The following LGI2 variants were observed in gnomAD, a reference collection of about 807,000 sequenced individuals.
LGI2 encodes the protein leucine-rich repeat LGI family member 2.
A neutral mutation model predicts 52.0 loss-of-function variants in LGI2; 30 were observed. The observed-to-expected ratio is 0.58, with a 90% CI of 0.43 to 0.78. The LOEUF is 0.78. Among genes scored for constraint, LGI2 ranks in the 30% least tolerant of loss-of-function variants. The probability of loss-of-function intolerance (pLI) is 0.00; values close to 1 mark genes in which losing one functional copy is unlikely to be tolerated. For synonymous variants in LGI2, 270 were observed against 271.8 expected, an observed-to-expected ratio of 0.99 and a Z score of 0.06; for missense variants, 573 against 692.5, an observed-to-expected ratio of 0.83 and a Z score of 1.94.
intron 4 of LGI2, among the ~76,000 whole-genome samples, chr4:25,020,234 C>T (rs1241400590): frequency 6.6e-6 from 1 of 151,806 alleles, no homozygotes; most frequent in East Asian, 1.9e-4. Context: ...AAAGGTTGAC[C>T]CAAAACCATT....
intron 3 of LGI2, among the ~76,000 whole-genome samples, chr4:25,025,609 G>A (rs534515600): frequency 6.6e-6 from 1 of 152,030 alleles, no homozygotes; most frequent in South Asian, 2.1e-4. Flanking sequence ...TAATTGATGT[G>A]AATTCACTAC....
At chr4:25,025,088 T>C (rs1231162845) in intron 3 of LGI2, among the ~76,000 whole-genome samples, 197 bp from the exon 4 acceptor site, 1 of 152,198 alleles carries the variant, frequency 6.6e-6, no homozygotes, top group African/African-American at 2.4e-5. Flanking sequence ...GAGTGTGTGG[T>C]CTGCACTCCT....
In LGI2 at chr4:25,028,557, A is replaced by G. The variant is rs377385406; in HGVS notation, c.219T>C (p.Phe73=). Residue 73 remains phenylalanine (F), a synonymous_variant, in exon 2 of 8, where the codon TTT becomes TTC. Transcript: ENST00000382114. ...ISSLSLVNGT[F]SEIKDRMFSH... ...AAAACATTCGGTCCTTGATTTCTGA[A>G]AACGTCCCATTTACCAGGCTCCTAC... 1.5e-5 allele frequency: 24 copies of G among 1,613,248 alleles called. No homozygotes were observed. The highest frequency in any genetic ancestry group is 3.3e-4 in the Middle Eastern group (2 of 6,058).
rs935249954 is a variant in LGI2, at chr4:25,003,165, A to G, written c.*286T>C. The G allele has an allele frequency of 4.0e-5, 10 of 252,494 alleles. No homozygotes were observed. The highest frequency in any genetic ancestry group is 1.4e-4 in the South Asian group (1 of 7,154). The allele number at this position is 252,494 out of a possible 1,614,324, so 15.6% of individuals were successfully genotyped here. A position where few individuals can be genotyped will look rare whatever the true frequency, so the allele number is the denominator to read the frequency against. ...CTTCCTCATCAAAAAGCGGGGGGGA[A>G]GCATATTACATTTCTAGATGATAAG... On this transcript the variant is annotated 3_prime_UTR_variant, in exon 8 of 8. Coordinates refer to ENST00000382114, the MANE Select transcript of LGI2 (RefSeq NM_018176.4).
At chr4:24,997,571 T>C (rs1268038223), downstream of LGI2, among the ~76,000 whole-genome samples, 1 of 152,196 alleles carries the variant, frequency 6.6e-6, no homozygotes, top group Non-Finnish European at 1.5e-5. Flanking sequence ...CTCATATGAA[T>C]TTATTATCTG....
chr4:25,015,872 TC>T (rs533675009), intron 6 of LGI2, among the ~76,000 whole-genome samples: 1 of 152,152 alleles, frequency 6.6e-6, no homozygotes, highest in Admixed American at 6.5e-5. Flanking sequence ...ACCATTTTTT[TC>T]CCGATGGAAG....
chr4:25,015,941 C>CA (rs1186548036), intron 6 of LGI2, among the ~76,000 whole-genome samples: 1 of 152,146 alleles, frequency 6.6e-6, no homozygotes, highest in Non-Finnish European at 1.5e-5. Flanking sequence ...AAAACCATAG[C>CA]ACAAAGCCAG....
chr4:25,021,556 G>T (rs542541107), intron 4 of LGI2, among the ~76,000 whole-genome samples: 1 of 152,290 alleles, frequency 6.6e-6, no homozygotes, highest in South Asian at 2.1e-4. Flanking sequence ...AGAAGGGGAG[G>T]GAGGTGAATT....
Position 25,012,382 on chromosome 4 carries a change from T to C in LGI2, c.773A>G (p.Glu258Gly). Residue 258 changes from glutamate (E) to glycine (G), a missense_variant, in exon 7 of 8, where the codon GAG becomes GGG. Physicochemically the swap from Glu to Gly is moderately conservative, Grantham distance 98. Coordinates refer to ENST00000382114, the MANE Select transcript of LGI2 (RefSeq NM_018176.4). ...QPSMENCMVL[E>G]WDHIEMNFRS... Reference sequence around the variant, plus strand: ...GAAATTCATTTCAATGTGGTCCCACTCCAGCACCATGCAGTTCTCCATGCT... The same window carrying C: ...GAAATTCATTTCAATGTGGTCCCACCCCAGCACCATGCAGTTCTCCATGCT... The C allele has an allele frequency of 4.3e-6, 7 of 1,614,228 alleles. No homozygotes were observed. Among genetic ancestry groups the C allele is most frequent in the Non-Finnish European group, 5.9e-6 (7 of 1,180,036 alleles).
rs530731074 is a variant in LGI2, at chr4:25,004,125, G to A, written c.964C>T (p.Arg322Cys). ...TCGATGTCATTGGGCTTGGAAATGCGAGAGACCTCTATGTCTTGGAATTTG... is the reference window on the plus strand; with the variant it reads ...TCGATGTCATTGGGCTTGGAAATGCAAGAGACCTCTATGTCTTGGAATTTG... The part of the protein sequence containing the change: ...FVKFQDIEVS[R>C]ISKPNDIELF... Residue 322 changes from arginine to cysteine, a missense_variant, in exon 8 of 8, where the codon CGC becomes TGC. By Grantham distance (180) the Arg-to-Cys change is radical. Coordinates refer to ENST00000382114, the MANE Select transcript of LGI2 (RefSeq NM_018176.4). This position sits in a 1 kb window ranked among gnomAD's most constrained non-coding sequence, Gnocchi z 4.6. 7 of 1,614,164 alleles carry A rather than the reference G, an allele frequency of 4.3e-6. No individual in the cohort carries two copies. The East Asian group carries it at 8.9e-5, about 21-fold the overall frequency.
rs555465620 is a variant in LGI2 at position 25,020,506 on chromosome 4, G to A, written c.414-1268C>T. On this transcript the variant is annotated intron_variant, in intron 4 of 7. Transcript: ENST00000382114. Reference sequence around the variant, plus strand: ...TCTAATGTGAGTCAGCCAAGAAACTGATGCCTACTTTTGTTTTCTTTTACA... The same window carrying A: ...TCTAATGTGAGTCAGCCAAGAAACTAATGCCTACTTTTGTTTTCTTTTACA... Among the ~76,000 whole-genome samples, 6 of 152,340 alleles carry A rather than the reference G, an allele frequency of 3.9e-5. No individual in the cohort carries two copies. The South Asian group carries it at 1.2e-3, about 32-fold the overall frequency.
chr4:25,007,405 G>C (rs1725425948), intron 7 of LGI2, among the ~76,000 whole-genome samples: 1 of 152,130 alleles, frequency 6.6e-6, no homozygotes. Context: ...GAGAGGGCAG[G>C]CTCCTCGTCC....
Position 25,004,009 on chromosome 4 carries a change from T to C in LGI2, c.1080A>G (p.Gly360=). 6.2e-7 allele frequency: 1 copy of C among 1,614,168 alleles called. No individual in the cohort carries two copies. The highest frequency in any genetic ancestry group is 1.7e-5 in the Admixed American group (1 of 60,014). ...CGTGCAGTGACTGGTAAGAATAGAA[T>C]CCTTTGCTGTTCCATTTATAAACTG... is the stretch of plus-strand genomic sequence containing the variant. The part of the protein sequence containing the change: ...LSTVYKWNSK[G]FYSYQSLHEW... The change falls in exon 8 of 8, where the codon GGA becomes GGG. Residue 360 remains glycine (G), a synonymous_variant. Coordinates refer to ENST00000382114, the MANE Select transcript of LGI2 (RefSeq NM_018176.4). This position sits in a 1 kb window ranked among gnomAD's most constrained non-coding sequence, Gnocchi z 4.6.
chr4:25,020,923 A>ATT (rs1725937732), intron 4 of LGI2, among the ~76,000 whole-genome samples: 2 of 152,206 alleles, frequency 1.3e-5, no homozygotes, highest in Admixed American at 1.3e-4. Context: ...AGCTACTCTG[A>ATT]AAGAGATTTT....
At chr4:25,025,431 G>A (rs1398196842) in intron 3 of LGI2, among the ~76,000 whole-genome samples, 1 of 152,142 alleles carries the variant, frequency 6.6e-6, no homozygotes, top group African/African-American at 2.4e-5. Flanking sequence ...CCAAGCAAAT[G>A]GGTGACAAGG....
rs556547551 is a variant in LGI2, at chr4:25,003,704, C to T, written c.1385G>A (p.Arg462Gln). 4.3e-6 allele frequency: 7 copies of T among 1,614,070 alleles called. No individual in the cohort carries two copies. The highest frequency in any genetic ancestry group is 2.7e-5 in the African/African-American group (2 of 74,930). ...QFVEIQALPS[R>Q]GAMTLQPFSF... Reference sequence around the variant, plus strand: ...AAAGGGCTGCAGGGTCATGGCCCCCCGGGATGGAAGAGCTTGGATCTCCAC... The same window carrying T: ...AAAGGGCTGCAGGGTCATGGCCCCCTGGGATGGAAGAGCTTGGATCTCCAC... Residue 462 changes from arginine (R) to glutamine (Q), a missense_variant, in exon 8 of 8, where the codon CGG becomes CAG. By Grantham distance (43) the Arg-to-Gln change is conservative. Transcript: ENST00000382114.
At position 25,019,241 on chromosome 4, in the gene LGI2, A is replaced by G; in HGVS notation, c.414-3T>C. 6.3e-7 allele frequency: 1 copy of G among 1,595,082 alleles called. No homozygotes were observed. The highest frequency in any genetic ancestry group is 8.6e-7 in the Non-Finnish European group (1 of 1,165,192). On this transcript the variant is annotated splice_polypyrimidine_tract_variant and splice_region_variant and intron_variant, in intron 4 of 7. Coordinates refer to ENST00000382114, the MANE Select transcript of LGI2 (RefSeq NM_018176.4). ...TTATGTGGTTATTGGCCAAAGAACT[A>G]GAACAAGAAAGTCACATTGCAATGT...
intron 6 of LGI2, 78 bp from the exon 7 acceptor site, chr4:25,012,577 A>C: frequency 6.8e-7 from 1 of 1,464,356 alleles, no homozygotes; most frequent in African/African-American, 1.4e-5. Context: ...CCGTTCCATC[A>C]TCACATCAGC....
At chr4:25,012,688 G>A (rs1172434212) in intron 6 of LGI2, among the ~76,000 whole-genome samples, 189 bp from the exon 7 acceptor site, 4 of 152,334 alleles carry the variant, frequency 2.6e-5, no homozygotes, top group South Asian at 2.1e-4. Context: ...CCTGGCTTGC[G>A]CAGGATTATC....
Sources: gnomAD v4.1 joint callset for allele counts (sites outside exome capture counted in the v4.1 genomes callset) on GRCh38, gnomAD v4.1.1 for gene constraint, Gnocchi (gnomAD v3.1) non-coding constraint, MANE v1.5 for transcripts, NCBI Gene and HGNC (gene_info 2026-07-23, HGNC 2026-07-21) for gene names.